DUSP19: variants seen among roughly 807,000 people sequenced by gnomAD.
DUSP19 encodes dual specificity protein phosphatase 19.
DUSP19 carries 14 observed loss-of-function variants against 16.6 expected under a neutral mutation model. The observed-to-expected ratio is 0.84, with a 90% confidence interval of 0.56 to 1.32. The LOEUF (loss-of-function observed/expected upper bound fraction) is 1.32, where lower values mean the gene tolerates loss of function less well. DUSP19 is among the 40% of genes most tolerant of loss of function. DUSP19 has a pLI of 0.00. For synonymous variants in DUSP19, 81 were observed against 90.5 expected, an observed-to-expected ratio of 0.90 and a Z score of 0.59; for missense variants, 258 against 255.9, an observed-to-expected ratio of 1.01 and a Z score of -0.06.
Position 183,079,096 on chromosome 2 carries a change from G to A in DUSP19, c.163G>A (p.Gly55Ser), listed in dbSNP as rs371564465. Residue 55 changes from glycine to serine, a missense_variant, in exon 1 of 4, where the codon GGT (glycine) becomes AGT (serine). Transcript: ENST00000354221. ...EVEPSSGGGC[G>S]YVQDLSSDLQ... is the part of the protein sequence containing the mutation. ...AGAGCCGAGCAGTGGGGGTGGTTGT[G>A]GTTATGTGCAGGACCTTAGCTCGGA... The A allele has an allele frequency of 1.2e-6, 2 of 1,613,962 alleles. No homozygotes were observed. Among genetic ancestry groups the A allele is most frequent in the African/African-American group, 1.3e-5 (1 of 74,894 alleles).
chr2:183,087,024 T>C lies in DUSP19; in HGVS notation c.274-16T>C. 6.2e-7 allele frequency: 1 copy of C among 1,600,792 alleles called. No individual in the cohort carries two copies. The highest frequency in any genetic ancestry group is 2.2e-5 in the East Asian group (1 of 44,644). Reference sequence around the variant, plus strand: ...CATGGGATTTAAAACAATCATCTTTTTTCTTTCTCTTTAAGGTGACTCATA... The same window carrying C: ...CATGGGATTTAAAACAATCATCTTTCTTCTTTCTCTTTAAGGTGACTCATA... On this transcript the variant is annotated splice_polypyrimidine_tract_variant and intron_variant, in intron 2 of 3. Coordinates refer to ENST00000354221, the MANE Select transcript of DUSP19 (RefSeq NM_080876.4).
At chr2:183,094,709 A>G (rs1699775669) in intron 3 of DUSP19, among the ~76,000 whole-genome samples, 2 of 152,178 alleles carry the variant, frequency 1.3e-5, no homozygotes, top group South Asian at 4.1e-4. Flanking sequence ...GTTATGAGCT[A>G]TTTGTGTCAC....
intron 1 of DUSP19, among the ~76,000 whole-genome samples, chr2:183,081,627 T>A (rs189424962): frequency 7.9e-5 from 12 of 151,978 alleles, no homozygotes; most frequent in South Asian, 2.1e-4. Flanking sequence ...AACAGAATTT[T>A]AAAAAAAATT....
Position 183,099,711 on chromosome 2 carries a change from C to G in DUSP19, c.*4053C>G, listed in dbSNP as rs1699849722. On this transcript the variant is annotated 3_prime_UTR_variant, in exon 4 of 4. Coordinates refer to ENST00000354221, the MANE Select transcript of DUSP19 (RefSeq NM_080876.4). ...GCTGTCAAATTCTGAATTAAAAAAT[C>G]TGTTGGTGGCCAGGCGCAGTGGCTC... 1 of 152,078 alleles carries G rather than the reference C, an allele frequency of 6.6e-6. No individual in the cohort carries two copies. Among genetic ancestry groups the G allele is most frequent in the Non-Finnish European group, 1.5e-5 (1 of 68,020 alleles). The allele number at this position is 152,078 out of a possible 1,614,324, so 9.4% of individuals were successfully genotyped here. A position where few individuals can be genotyped will look rare whatever the true frequency, so the allele number is the denominator to read the frequency against.
rs571325487 is a variant in DUSP19 at position 183,088,474 on chromosome 2, C to T, written c.426+1282C>T. The stretch of plus-strand genomic sequence containing the variant: ...AGGCTGGAGTGCAGTAGTGTGATCT[C>T]GGTGCACTGTAACCTCCGGCTCACT... On this transcript the variant is annotated intron_variant, in intron 3 of 3. Coordinates refer to ENST00000354221, the MANE Select transcript of DUSP19 (RefSeq NM_080876.4). 3.5e-3 allele frequency among the ~76,000 whole-genome samples: 438 copies of T among 125,150 alleles called. 4 individuals are homozygous for T. The highest frequency in any genetic ancestry group is 0.013 in the African/African-American group (415 of 32,874). 82.1% of individuals were successfully genotyped at this position (125,150 alleles called of 152,430 possible).
intron 2 of DUSP19, among the ~76,000 whole-genome samples, chr2:183,084,063 G>C (rs1699628299): frequency 6.6e-6 from 1 of 152,178 alleles, no homozygotes; most frequent in African/African-American, 2.4e-5. Context: ...AGAGATTCTT[G>C]TTCACTTGAA....
At chr2:183,088,921 C>T (rs965763302) in intron 3 of DUSP19, among the ~76,000 whole-genome samples, 1 of 152,134 alleles carries the variant, frequency 6.6e-6, no homozygotes, top group Non-Finnish European at 1.5e-5. Flanking sequence ...CATCCATATT[C>T]ATATTAACAT....
Position 183,079,158 on chromosome 2 carries a change from A to G in DUSP19, c.225A>G (p.Leu75=). 3 of 1,612,556 alleles carry G rather than the reference A, an allele frequency of 1.9e-6. No individual in the cohort carries two copies. The highest frequency in any genetic ancestry group is 2.2e-5 in the East Asian group (1 of 44,876). Residue 75 remains leucine (L), a splice_region_variant and synonymous_variant, in exon 1 of 4, where the codon CTA becomes CTG. Coordinates refer to ENST00000354221, the MANE Select transcript of DUSP19 (RefSeq NM_080876.4). The part of the protein sequence containing the change: ...QVGVIKPWLL[L]GSQDAAHDLD... ...GCGTTATTAAGCCATGGTTGCTCCT[A>G]GGTGAGTATATCGACTTGCCACTAG... is the stretch of plus-strand genomic sequence containing the variant.
chr2:183,088,137 A>G (rs1041217397), intron 3 of DUSP19, among the ~76,000 whole-genome samples: 3 of 152,140 alleles, frequency 2.0e-5, no homozygotes, highest in Non-Finnish European at 4.4e-5. Context: ...TTCTATGTTT[A>G]TGTATGTTTA....
rs1448233540 is a variant in DUSP19, at chr2:183,087,183, A to G, written c.417A>G (p.Ala139=). The stretch of plus-strand genomic sequence containing the variant: ...AATGTTTTGAATTTATTGAAGAAGC[A>G]AAAAGAAAAGTGAGTTTTGTTTTGA... ...FPECFEFIEE[A]KRKDGVVLVH... The change falls in exon 3 of 4, where the codon GCA becomes GCG. Residue 139 remains alanine, a synonymous_variant. Coordinates refer to ENST00000354221, the MANE Select transcript of DUSP19 (RefSeq NM_080876.4). The G allele has an allele frequency of 4.3e-6, 7 of 1,612,628 alleles. No homozygotes were observed. The highest frequency in any genetic ancestry group is 5.1e-6 in the Non-Finnish European group (6 of 1,179,684).
chr2:183,087,944 G>A (rs1699683098), intron 3 of DUSP19, among the ~76,000 whole-genome samples: 1 of 151,796 alleles, frequency 6.6e-6, no homozygotes, highest in African/African-American at 2.4e-5. Flanking sequence ...GAATGCCTTA[G>A]GTGCCCAGCA....
In DUSP19 at chr2:183,099,104, A is replaced by G. The variant is rs532352909; in HGVS notation, c.*3446A>G. On this transcript the variant is annotated 3_prime_UTR_variant, in exon 4 of 4. Coordinates refer to ENST00000354221, the MANE Select transcript of DUSP19 (RefSeq NM_080876.4). ...ATTTCAGTGGTAGTGGGGAAACCTG[A>G]ATTTGTCAGCATGATTATTTGTAAC... 6.6e-5 allele frequency: 10 copies of G among 152,116 alleles called. No individual in the cohort carries two copies. Among genetic ancestry groups the G allele is most frequent in the African/African-American group, 2.4e-4 (10 of 41,492 alleles). The allele number at this position is 152,116 out of a possible 1,614,324, so 9.4% of individuals were successfully genotyped here.
At chr2:183,083,470 A>C in intron 1 of DUSP19, 38 bp from the exon 2 acceptor site, 10 of 1,545,800 alleles carry the variant, frequency 6.5e-6, no homozygotes, top group Non-Finnish European at 8.8e-6. Context: ...CAAGATGATT[A>C]TATTTGTGTT....
intron 3 of DUSP19, among the ~76,000 whole-genome samples, chr2:183,087,863 C>T (rs1425399922): frequency 1.3e-5 from 2 of 152,158 alleles, no homozygotes; most frequent in Non-Finnish European, 2.9e-5. Context: ...TACCTTCTCT[C>T]CCTTTATCTT....
chr2:183,083,425 A>T, intron 1 of DUSP19, 83 bp from the exon 2 acceptor site: 1 of 1,309,968 alleles, frequency 7.6e-7, no homozygotes, highest in South Asian at 1.6e-5. Context: ...TTTTTTTTTA[A>T]TAACAGAATT....
At chr2:183,080,725 A>G (rs1449522086) in intron 1 of DUSP19, among the ~76,000 whole-genome samples, 1 of 152,162 alleles carries the variant, frequency 6.6e-6, no homozygotes, top group Non-Finnish European at 1.5e-5. Context: ...TGGGGTTGGA[A>G]ACCTCCCCAG....
chr2:183,097,614 G>A lies in DUSP19; in HGVS notation c.*1956G>A, dbSNP rs1699820235. ...GTTATAAACTCTTTGCTTCTGCTAA[G>A]AAGCAGTCTAAATATAATCAACGTA... is the stretch of plus-strand genomic sequence containing the variant. On this transcript the variant is annotated 3_prime_UTR_variant, in exon 4 of 4. Transcript: ENST00000354221. 6.6e-6 allele frequency: 1 copy of A among 152,148 alleles called. No individual in the cohort carries two copies. Among genetic ancestry groups the A allele is most frequent in the African/African-American group, 2.4e-5 (1 of 41,446 alleles). The allele number at this position is 152,148 out of a possible 1,614,324, so 9.4% of individuals were successfully genotyped here. A position where few individuals can be genotyped will look rare whatever the true frequency, so the allele number is the denominator to read the frequency against.
rs201631108 is a variant in DUSP19, at chr2:183,086,818, GTC to G, written c.274-218_274-217del. Among the ~76,000 whole-genome samples the G allele has an allele frequency of 5.7e-3, 867 of 151,636 alleles. 17 individuals carry two copies. In the East Asian group the frequency reaches 0.08, roughly 14 times the overall value. ...AGCCTGGGTGACAGAAAGAGACCCTGTCTCTGCATGATGATAATAATAAGTTA... is the reference window on the plus strand; with the variant it reads ...AGCCTGGGTGACAGAAAGAGACCCTGTCTGCATGATGATAATAATAAGTTA... On this transcript the variant is annotated intron_variant, in intron 2 of 3. Coordinates refer to ENST00000354221, the MANE Select transcript of DUSP19 (RefSeq NM_080876.4).
At chr2:183,085,847 G>GGTT (rs1699652518) in intron 2 of DUSP19, among the ~76,000 whole-genome samples, 4 of 50,876 alleles carry the variant, frequency 7.9e-5, no homozygotes, top group Non-Finnish European at 1.5e-4. Context: ...AGGTTGTTAG[G>GGTT]TTTTTTTTTT....
Sources: allele counts gnomAD v4.1 joint callset (sites outside exome capture counted in the v4.1 genomes callset), GRCh38; gene constraint gnomAD v4.1.1; transcripts MANE v1.5; gene names NCBI Gene and HGNC (gene_info 2026-07-23, HGNC 2026-07-21).